POPDC3: variants seen among roughly 807,000 people sequenced by gnomAD.
The protein encoded by POPDC3 is popeye domain-containing protein 3.
POPDC3 carries 20 observed loss-of-function variants against 28.2 expected under a neutral mutation model. That is an observed-to-expected ratio of 0.71 (90% CI 0.50 to 1.03). The LOEUF (loss-of-function observed/expected upper bound fraction) is 1.03, where lower values mean the gene tolerates loss of function less well. Among genes scored for constraint, POPDC3 ranks in the 50% least tolerant of loss-of-function variants. POPDC3 has a pLI of 0.00. For missense variants in POPDC3, 316 were observed against 345.9 expected, an observed-to-expected ratio of 0.91 and a Z score of 0.69; for synonymous variants, 118 against 124.1, an observed-to-expected ratio of 0.95 and a Z score of 0.33.
chr6:105,168,082 G>T (rs1774495506), intron 1 of POPDC3, among the ~76,000 whole-genome samples: 2 of 152,186 alleles, frequency 1.3e-5, no homozygotes, highest in Admixed American at 1.3e-4. Flanking sequence ...AATGGTATTG[G>T]TTACAACATT....
chr6:105,167,651 G>A (rs1317390412), intron 1 of POPDC3, among the ~76,000 whole-genome samples: 1 of 151,566 alleles, frequency 6.6e-6, no homozygotes, highest in Non-Finnish European at 1.5e-5. Flanking sequence ...GGAGGCTGAG[G>A]CAGGAGAATT....
chr6:105,164,965 T>C (rs1302725831), intron 1 of POPDC3, among the ~76,000 whole-genome samples: 1 of 152,238 alleles, frequency 6.6e-6, no homozygotes, highest in African/African-American at 2.4e-5. Context: ...GCAAATTAGC[T>C]AGAAACTGCA....
At chr6:105,174,682 G>A (rs1478208984) in intron 1 of POPDC3, among the ~76,000 whole-genome samples, 1 of 152,122 alleles carries the variant, frequency 6.6e-6, no homozygotes, top group African/African-American at 2.4e-5. Flanking sequence ...GTGAGTCAGG[G>A]ACTGTCTGGA....
chr6:105,168,803 A>G (rs1257892700), intron 1 of POPDC3: 1 of 152,290 alleles, frequency 6.6e-6, no homozygotes, highest in East Asian at 1.9e-4. Context: ...TACTGGAAGA[A>G]GGCAAACATC....
intron 1 of POPDC3, among the ~76,000 whole-genome samples, chr6:105,179,352 G>A (rs186037829): frequency 1.1e-4 from 17 of 152,214 alleles, no homozygotes; most frequent in Admixed American, 4.6e-4. Flanking sequence ...GCGGGAGTAG[G>A]GGGGAAGGAA....
chr6:105,174,543 G>A (rs1774646693), intron 1 of POPDC3, among the ~76,000 whole-genome samples: 1 of 152,182 alleles, frequency 6.6e-6, no homozygotes, highest in Non-Finnish European at 1.5e-5. Context: ...ACACACGTTT[G>A]ACTTACAGTT....
At chr6:105,161,332 G>A (rs866680833) in intron 2 of POPDC3, 93 bp downstream of exon 2, 9 of 1,437,638 alleles carry the variant, frequency 6.3e-6, no homozygotes, top group African/African-American at 2.8e-5. Context: ...ATGCCACCCA[G>A]GACTATGTGA....
At chr6:105,168,551 G>T (rs1252846765) in intron 1 of POPDC3, among the ~76,000 whole-genome samples, 8 of 152,162 alleles carry the variant, frequency 5.3e-5, no homozygotes, top group African/African-American at 1.9e-4. Flanking sequence ...CACATACAGT[G>T]GTAGGCAGAA....
intron 1 of POPDC3, among the ~76,000 whole-genome samples, chr6:105,170,184 T>A (rs1774548606): frequency 6.6e-6 from 1 of 152,198 alleles, no homozygotes; most frequent in Non-Finnish European, 1.5e-5. Context: ...TTCTTCTGAT[T>A]TCTCCATATC....
At position 105,159,749 on chromosome 6, in the gene POPDC3, A is replaced by C. The variant is rs1774278429; in HGVS notation, c.556T>G (p.Trp186Gly). 5 of 1,613,594 alleles carry C rather than the reference A, an allele frequency of 3.1e-6. No individual in the cohort carries two copies. The highest frequency in any genetic ancestry group is 4.2e-6 in the Non-Finnish European group (5 of 1,179,750). The change falls in exon 3 of 4, where the codon TGG becomes GGG. Residue 186 changes from tryptophan to glycine, a missense_variant. Physicochemically the swap from Trp to Gly is radical, Grantham distance 184. Transcript: ENST00000254765. ...FPLQFLDSPEWDSLRPTEEGI... is the reference protein window; with the variant it reads ...FPLQFLDSPEGDSLRPTEEGI... ...TCCTCTGTGGGTCTCAGTGAATCCC[A>C]CTCAGGAGAATCCAGGAACTGAAGG...
Position 105,167,529 on chromosome 6 carries a change from T to C in POPDC3, c.-251-5369A>G, listed in dbSNP as rs373635553. On this transcript the variant is annotated intron_variant, in intron 1 of 3. Transcript: ENST00000254765. ...TGGGAGGCTGAGGAGGATGGATCAC[T>C]TGAGGCCAGGAGTTCAAGACCAGCC... Among the ~76,000 whole-genome samples the C allele has an allele frequency of 2.2e-4, 33 of 152,186 alleles. 1 individual carries two copies. In the South Asian group the frequency reaches 6.0e-3, roughly 28 times the overall value.
intron 1 of POPDC3, among the ~76,000 whole-genome samples, chr6:105,167,481 T>C (rs530571848): frequency 6.6e-6 from 1 of 152,300 alleles, no homozygotes; most frequent in South Asian, 2.1e-4. Context: ...GCATGGTGGC[T>C]CACGCCTGTA....
At chr6:105,174,079 T>C (rs777103508) in intron 1 of POPDC3, among the ~76,000 whole-genome samples, 29 of 152,340 alleles carry the variant, frequency 1.9e-4, no homozygotes, top group Admixed American at 4.6e-4. Flanking sequence ...TTTGCTCTTG[T>C]TGCCCAGGCT....
chr6:105,171,107 G>A (rs116774955), intron 1 of POPDC3, among the ~76,000 whole-genome samples: 378 of 152,332 alleles, frequency 2.5e-3, no homozygotes, highest in African/African-American at 8.4e-3. Flanking sequence ...GCTGGTAGAT[G>A]TTTGAGAGGT....
At chr6:105,168,784 A>C (rs571717284) in intron 1 of POPDC3, 2 of 152,244 alleles carry the variant, frequency 1.3e-5, no homozygotes, top group African/African-American at 2.4e-5. Context: ...AGAGTGATTG[A>C]TGTGCTCCTA....
chr6:105,173,620 G>A (rs1261738534), intron 1 of POPDC3, among the ~76,000 whole-genome samples: 9 of 152,126 alleles, frequency 5.9e-5, no homozygotes, highest in Admixed American at 2.6e-4. Context: ...AGACTTGGCC[G>A]AGTTAGAATC....
intron 1 of POPDC3, among the ~76,000 whole-genome samples, chr6:105,176,115 T>A (rs2114550021): frequency 6.6e-6 from 1 of 152,144 alleles, no homozygotes; most frequent in East Asian, 1.9e-4. Context: ...TAAAATATAA[T>A]TTTTTTATTT....
In POPDC3 at chr6:105,162,109, A is replaced by G. The variant is rs1190483793; in HGVS notation, c.-200T>C. 3.0e-6 allele frequency: 4 copies of G among 1,314,058 alleles called. No homozygotes were observed. In the East Asian group the frequency reaches 1.1e-4, roughly 37 times the overall value. The allele number at this position is 1,314,058 out of a possible 1,614,324, so 81.4% of individuals were successfully genotyped here. ...TAAGAATCCCATGCTCGCTTCTTTA[A>G]GTTCATCTGGGCTCCTGATTTGGAT... On this transcript the variant is annotated 5_prime_UTR_variant, in exon 2 of 4. Transcript: ENST00000254765.
chr6:105,178,695 C>A (rs1035505005), intron 1 of POPDC3: 1 of 981,736 alleles, frequency 1.0e-6, no homozygotes. Context: ...AACTGAGATC[C>A]AATTTTTTGT....
Sources: gnomAD v4.1 joint callset for allele counts (sites outside exome capture counted in the v4.1 genomes callset) on GRCh38, gnomAD v4.1.1 for gene constraint, MANE v1.5 for transcripts, NCBI Gene and HGNC (gene_info 2026-07-23, HGNC 2026-07-21) for gene names.